DPP6: variants seen among roughly 807,000 people sequenced by gnomAD.
DPP6 encodes A-type potassium channel modulatory protein DPP6.
A neutral mutation model predicts 122.6 loss-of-function variants in DPP6; 69 were observed. The observed-to-expected ratio is 0.56, with a 90% CI of 0.46 to 0.69. DPP6 has a LOEUF of 0.69. Ranked by LOEUF, DPP6 falls within the 30% of genes least tolerant of loss-of-function variation. The pLI, the probability that DPP6 is intolerant of heterozygous loss-of-function variation, is 0.00. For synonymous variants in DPP6, 418 were observed against 433.1 expected (o/e 0.97, Z 0.43); for missense variants, 928 against 1,116.9 (o/e 0.83, Z 2.41).
the DPP6 span, among the ~76,000 whole-genome samples, chr7:153,769,267 A>T: frequency 6.6e-6 from 1 of 152,112 alleles, no homozygotes; most frequent in Admixed American, 6.5e-5. Context: ...TATGTTCTTT[A>T]TATTGTGTAT....
At chr7:154,459,974 C>CT (rs71184004) in intron 2 of DPP6, among the ~76,000 whole-genome samples, 2,245 of 58,658 alleles carry the variant, frequency 0.038, 325 homozygotes, top group African/African-American at 0.1. Context: ...TATTCATGTG[C>CT]TTTTTTTTTT....
intron 7 of DPP6, among the ~76,000 whole-genome samples, chr7:154,706,659 G>A (rs1038239084): frequency 1.3e-5 from 2 of 152,232 alleles, no homozygotes; most frequent in African/African-American, 2.4e-5. Context: ...AACTTCTGGA[G>A]CTCCTCTGTT....
intron 1 of DPP6, among the ~76,000 whole-genome samples, chr7:154,197,835 C>T (rs965499010): frequency 6.6e-6 from 1 of 152,204 alleles, no homozygotes; most frequent in Non-Finnish European, 1.5e-5. Context: ...ATCCTAACAG[C>T]ATCCACCTAG....
chr7:154,677,891 G>T (rs1000892092), intron 7 of DPP6, among the ~76,000 whole-genome samples: 1 of 152,192 alleles, frequency 6.6e-6, no homozygotes, highest in Non-Finnish European at 1.5e-5. Context: ...AGGTGAAGCC[G>T]GCTGGGCTTC....
At chr7:154,468,456 G>A (rs1301247312) in intron 2 of DPP6, among the ~76,000 whole-genome samples, 5 of 152,120 alleles carry the variant, frequency 3.3e-5, no homozygotes, top group Non-Finnish European at 7.4e-5. Flanking sequence ...TAAGTTTTAT[G>A]GTATGTGAAT....
chr7:154,496,000 G>A (rs1413417591), intron 3 of DPP6, among the ~76,000 whole-genome samples: 1 of 152,118 alleles, frequency 6.6e-6, no homozygotes, highest in African/African-American at 2.4e-5. Flanking sequence ...CCTCCACTGG[G>A]ATTCAACAAT....
chr7:154,870,587 T>C (rs1367192357), intron 18 of DPP6, among the ~76,000 whole-genome samples: 1 of 151,152 alleles, frequency 6.6e-6, no homozygotes, highest in Admixed American at 6.6e-5. Flanking sequence ...GCCTTGGCAA[T>C]AGAGTGAGAC....
At chr7:154,751,048 C>T (rs1843355342) in intron 8 of DPP6, among the ~76,000 whole-genome samples, 1 of 152,198 alleles carries the variant, frequency 6.6e-6, no homozygotes, top group African/African-American at 2.4e-5. Flanking sequence ...AGTGCCTCTG[C>T]TCTCTCATGT....
chr7:153,989,254 T>C (rs890190868), intron 1 of DPP6, among the ~76,000 whole-genome samples: 1 of 130,958 alleles, frequency 7.6e-6, no homozygotes, highest in Non-Finnish European at 1.6e-5. Flanking sequence ...TGTCACTGAG[T>C]GGGCGAGTGA....
At chr7:154,245,490 C>T (rs1033105049) in intron 1 of DPP6, among the ~76,000 whole-genome samples, 2 of 151,298 alleles carry the variant, frequency 1.3e-5, no homozygotes, top group Non-Finnish European at 2.9e-5. Flanking sequence ...CAAAAATTAG[C>T]CAGGCATGGT....
At chr7:154,200,811 CG>C (rs1353201451) in intron 1 of DPP6, among the ~76,000 whole-genome samples, 1 of 152,126 alleles carries the variant, frequency 6.6e-6, no homozygotes, top group Non-Finnish European at 1.5e-5. Flanking sequence ...AAGTTAGCCC[CG>C]CCTGGACACC....
chr7:154,089,761 C>T (rs1470088794), intron 1 of DPP6, among the ~76,000 whole-genome samples: 1 of 146,166 alleles, frequency 6.8e-6, no homozygotes, highest in Non-Finnish European at 1.5e-5. Context: ...TCTGAGGTAT[C>T]GACTTTAATC....
the DPP6 span, among the ~76,000 whole-genome samples, chr7:153,876,262 T>C: frequency 6.6e-6 from 1 of 152,040 alleles, no homozygotes; most frequent in Non-Finnish European, 1.5e-5. Context: ...AATAAGGATG[T>C]AGTAGATTTG....
intron 1 of DPP6, among the ~76,000 whole-genome samples, chr7:154,299,910 G>A (rs546739953): frequency 2.4e-4 from 36 of 152,250 alleles, no homozygotes; most frequent in Non-Finnish European, 4.3e-4. Flanking sequence ...AGGCTTGCAC[G>A]GCTACAAACA....
At chr7:154,499,292 C>A (rs184760721) in intron 3 of DPP6, among the ~76,000 whole-genome samples, 3 of 152,132 alleles carry the variant, frequency 2.0e-5, no homozygotes, top group Non-Finnish European at 4.4e-5. Context: ...GGCCCCCCTG[C>A]GGTACAAAGC....
intron 1 of DPP6, among the ~76,000 whole-genome samples, chr7:154,120,931 C>A (rs1429065377): frequency 6.6e-6 from 1 of 152,116 alleles, no homozygotes; most frequent in East Asian, 1.9e-4. Flanking sequence ...TTGTAATAAT[C>A]CCCACAGGTC....
intron 3 of DPP6, among the ~76,000 whole-genome samples, chr7:154,476,834 T>C (rs1366353663): frequency 7.9e-5 from 12 of 152,174 alleles, no homozygotes; most frequent in Admixed American, 2.0e-4. Flanking sequence ...GGCTCACACC[T>C]GTATTCCAGC....
At chr7:154,840,639 G>T (rs570579557) in intron 16 of DPP6, among the ~76,000 whole-genome samples, 1 of 152,186 alleles carries the variant, frequency 6.6e-6, no homozygotes, top group African/African-American at 2.4e-5. Flanking sequence ...CTGTTTTTAC[G>T]TTCCAGACTC....
chr7:154,594,489 T>C (rs1051502111), intron 5 of DPP6, among the ~76,000 whole-genome samples: 2 of 152,174 alleles, frequency 1.3e-5, no homozygotes, highest in African/African-American at 4.8e-5. Flanking sequence ...TCCCCTTAGA[T>C]AGCAATAATT....
Sources: gnomAD v4.1 joint callset for allele counts (sites outside exome capture counted in the v4.1 genomes callset) on GRCh38, gnomAD v4.1.1 for gene constraint, MANE v1.5 for transcripts, NCBI Gene and HGNC (gene_info 2026-07-23, HGNC 2026-07-21) for gene names.